The following PTPRN2 variants were observed in gnomAD, a reference collection of about 807,000 sequenced individuals.
PTPRN2 encodes the protein protein tyrosine phosphatase receptor type N2.
In PTPRN2, 74 loss-of-function variants were observed where a neutral mutation model predicts 118.8. The observed-to-expected ratio is 0.62, with a 90% CI of 0.52 to 0.76. The LOEUF (loss-of-function observed/expected upper bound fraction) is 0.76, where lower values mean the gene tolerates loss of function less well. Among genes scored for constraint, PTPRN2 ranks in the 30% least tolerant of loss-of-function variants. PTPRN2 has a pLI of 0.00. For missense variants in PTPRN2, 1,481 were observed against 1,394.4 expected (o/e 1.06, Z -0.99); for synonymous variants, 641 against 608.0 (o/e 1.05, Z -0.80).
chr7:158,153,742 G>T (rs1821425509), intron 6 of PTPRN2, among the ~76,000 whole-genome samples: 1 of 152,170 alleles, frequency 6.6e-6, no homozygotes, highest in Non-Finnish European at 1.5e-5. Flanking sequence ...TGAGCAGTGG[G>T]ATATCATCTG....
chr7:158,285,248 G>A (rs1229913337), intron 3 of PTPRN2, among the ~76,000 whole-genome samples: 2 of 152,174 alleles, frequency 1.3e-5, no homozygotes, highest in Non-Finnish European at 2.9e-5. Flanking sequence ...CGGTCCCATG[G>A]GCCAAACAAA....
intron 1 of PTPRN2, among the ~76,000 whole-genome samples, chr7:158,548,775 C>T (rs768719028): frequency 2.8e-4 from 43 of 152,214 alleles, no homozygotes; most frequent in East Asian, 1.2e-3. Context: ...TGAACCCAGG[C>T]GGCCTCTAGA....
At chr7:158,483,501 G>A (rs921025356) in intron 2 of PTPRN2, among the ~76,000 whole-genome samples, 1 of 152,202 alleles carries the variant, frequency 6.6e-6, no homozygotes, top group African/African-American at 2.4e-5. Flanking sequence ...CCACTTTGGG[G>A]ACAACGCTAG....
chr7:158,388,075 C>T (rs1279046288), intron 2 of PTPRN2, among the ~76,000 whole-genome samples: 3 of 152,170 alleles, frequency 2.0e-5, no homozygotes, highest in African/African-American at 7.2e-5. Context: ...AGCCTTCTCC[C>T]CACAGAAAAT....
chr7:158,390,402 G>A (rs553094152), intron 2 of PTPRN2, among the ~76,000 whole-genome samples: 5 of 152,322 alleles, frequency 3.3e-5, no homozygotes, highest in South Asian at 2.1e-4. Flanking sequence ...CAAAGAACAC[G>A]TAAAGTGGAA....
chr7:158,257,695 G>A lies in PTPRN2; in HGVS notation c.278-52422C>T, dbSNP rs1016023408. On this transcript the variant is annotated intron_variant, in intron 3 of 22. Coordinates refer to ENST00000389418, the MANE Select transcript of PTPRN2 (RefSeq NM_002847.5). Reference sequence around the variant, plus strand: ...ACAAAGGATCCAACCCTGCAGCTCCGCTCCTGGAGGACTGACCAAGACCTG... The same window carrying A: ...ACAAAGGATCCAACCCTGCAGCTCCACTCCTGGAGGACTGACCAAGACCTG... Among the ~76,000 whole-genome samples, 11 of 152,346 alleles carry A rather than the reference G, an allele frequency of 7.2e-5. No homozygotes were observed. In the South Asian group the frequency reaches 1.2e-3, roughly 17 times the overall value.
intron 4 of PTPRN2, among the ~76,000 whole-genome samples, chr7:158,199,225 G>A (rs980918090): frequency 3.3e-5 from 5 of 151,908 alleles, no homozygotes; most frequent in African/African-American, 7.3e-5. Context: ...AGCCCTTAGC[G>A]TGTTCTCAGG....
chr7:158,198,731 T>C (rs1177495833), intron 4 of PTPRN2, among the ~76,000 whole-genome samples: 2 of 136,088 alleles, frequency 1.5e-5, no homozygotes, highest in South Asian at 5.6e-4. Context: ...CCTTAGCCCT[T>C]AGCATGTTCT....
intron 9 of PTPRN2, among the ~76,000 whole-genome samples, chr7:158,129,881 C>G (rs1230448050): frequency 6.6e-6 from 1 of 152,132 alleles, no homozygotes; most frequent in African/African-American, 2.4e-5. Flanking sequence ...AGCAAGGGCA[C>G]AGACAGACAC....
At chr7:157,542,777 C>A (rs1358370060) in intron 22 of PTPRN2, among the ~76,000 whole-genome samples, 1 of 152,210 alleles carries the variant, frequency 6.6e-6, no homozygotes, top group Non-Finnish European at 1.5e-5. Context: ...CTCCACCGGG[C>A]GTGTGGGCTG....
chr7:158,080,314 C>CAAAAAAAA (rs556546951), intron 11 of PTPRN2, among the ~76,000 whole-genome samples: 3 of 72,226 alleles, frequency 4.2e-5, no homozygotes, highest in African/African-American at 6.2e-5. Context: ...CAAATTTAAG[C>CAAAAAAAA]AAAAAAAAAA....
At chr7:157,848,581 T>C (rs567768114) in intron 12 of PTPRN2, among the ~76,000 whole-genome samples, 12 of 152,368 alleles carry the variant, frequency 7.9e-5, no homozygotes, top group Admixed American at 4.6e-4. Flanking sequence ...TGGGCAACAG[T>C]TCCTGGCTTT....
intron 3 of PTPRN2, among the ~76,000 whole-genome samples, chr7:158,312,269 CACATGT>C: frequency 1.4e-4 from 6 of 44,386 alleles, no homozygotes; most frequent in African/African-American, 2.8e-4. Context: ...CTCACGTGCT[CACATGT>C]AGACACGCAC....
chr7:158,495,742 G>A (rs1019078009), intron 1 of PTPRN2, among the ~76,000 whole-genome samples: 6 of 152,220 alleles, frequency 3.9e-5, no homozygotes, highest in Non-Finnish European at 8.8e-5. Flanking sequence ...AAAAGTGAGA[G>A]ATTAAAGCGC....
At chr7:157,991,588 G>A (rs556536805) in intron 11 of PTPRN2, among the ~76,000 whole-genome samples, 7 of 152,310 alleles carry the variant, frequency 4.6e-5, no homozygotes, top group South Asian at 2.1e-4. Context: ...GAGGGAGGGC[G>A]GACCTGTTTC....
At chr7:157,769,147 A>G (rs1242777) in intron 12 of PTPRN2, among the ~76,000 whole-genome samples, 53,205 of 152,042 alleles carry the variant, frequency 0.35, 11,713 homozygotes, top group African/African-American at 0.62. Context: ...CGGCCAGCCC[A>G]GTGTCCACCG....
intron 12 of PTPRN2, among the ~76,000 whole-genome samples, chr7:157,771,449 A>C (rs1302564917): frequency 3.3e-5 from 5 of 152,226 alleles, no homozygotes; most frequent in African/African-American, 1.2e-4. Context: ...TGTGGCTTGC[A>C]GCAGCTGACA....
At chr7:157,778,388 CA>C (rs1296370453) in intron 12 of PTPRN2, among the ~76,000 whole-genome samples, 1 of 151,930 alleles carries the variant, frequency 6.6e-6, no homozygotes, top group Non-Finnish European at 1.5e-5. Flanking sequence ...CACGTGAATA[CA>C]GGTGTTGAAT....
intron 6 of PTPRN2, among the ~76,000 whole-genome samples, chr7:158,149,252 G>A (rs1011778316): frequency 6.6e-6 from 1 of 151,820 alleles, no homozygotes; most frequent in Non-Finnish European, 1.5e-5. Flanking sequence ...TATAGTACAG[G>A]GAACCCAATT....
Sources: gnomAD v4.1 joint callset for allele counts (sites outside exome capture counted in the v4.1 genomes callset) on GRCh38, gnomAD v4.1.1 for gene constraint, MANE v1.5 for transcripts, NCBI Gene and HGNC (gene_info 2026-07-23, HGNC 2026-07-21) for gene names.